OGT: variants seen among roughly 807,000 people sequenced by gnomAD.
The protein encoded by OGT is O-linked N-acetylglucosamine (GlcNAc) transferase, also known as UDP-N-acetylglucosamine--peptide N-acetylglucosaminyltransferase 110 kDa subunit.
In OGT, 3 loss-of-function variants were observed where a neutral mutation model predicts 75.8. That is an observed-to-expected ratio of 0.04 (90% confidence interval 0.02 to 0.10). OGT has a LOEUF of 0.10. OGT is among the 10% of genes least tolerant of loss of function. The pLI, the probability that OGT is intolerant of heterozygous loss-of-function variation, is 1.00. For missense variants in OGT, 260 were observed against 824.4 expected, an observed-to-expected ratio of 0.32 and a Z score of 8.38; for synonymous variants, 257 against 289.7, an observed-to-expected ratio of 0.89 and a Z score of 1.15.
At chrX:71,566,082 A>G (rs2040414651) in intron 19 of OGT, among the ~76,000 whole-genome samples, 1 of 112,279 alleles carries the variant, frequency 8.9e-6, no homozygotes, top group African/African-American at 3.2e-5. Context: ...CCTTTAGGTA[A>G]TCTGGAGATA....
Position 71,563,363 on chromosome X carries a change from G to T in OGT, c.2300G>T (p.Ser767Ile). The T allele has an allele frequency of 8.3e-7, 1 of 1,207,981 alleles. No homozygotes were observed. ...KCPDGGDNAD[S>I]SNTALNMPVI... is the part of the protein sequence containing the mutation. ...CCTGATGGAGGAGACAATGCAGATA[G>T]CAGTAACACAGCTCTTAATATGCCT... Residue 767 changes from serine to isoleucine, a missense_variant, in exon 18 of 22, where the codon AGC (serine) becomes ATC (isoleucine). Transcript: ENST00000373719.
intron 8 of OGT, 195 bp from the exon 9 acceptor site, chrX:71,556,485 A>G (rs895400231): frequency 2.6e-5 from 10 of 379,614 alleles, no homozygotes; most frequent in Non-Finnish European, 4.6e-5. Context: ...GAAGAGGTGT[A>G]CCTCATTATG....
At chrX:71,556,874 A>T in intron 9 of OGT, 78 bp from the exon 10 acceptor site, 1 of 1,095,993 alleles carries the variant, frequency 9.1e-7, no homozygotes, top group Non-Finnish European at 1.2e-6. Flanking sequence ...GGCTTTAAAT[A>T]ACAACGGAAT....
chrX:71,570,668 T>G (rs1602158173), intron 21 of OGT, among the ~76,000 whole-genome samples: 2 of 111,835 alleles, frequency 1.8e-5, no homozygotes, highest in South Asian at 7.5e-4. Context: ...GTTAGCTACT[T>G]ATTATTTTCA....
At chrX:71,552,204 G>C (rs377185122) in intron 5 of OGT, among the ~76,000 whole-genome samples, 1 of 109,727 alleles carries the variant, frequency 9.1e-6, no homozygotes, top group Non-Finnish European at 1.9e-5. Flanking sequence ...CAGCCTGGGC[G>C]ACAGAGTGAG....
intron 5 of OGT, among the ~76,000 whole-genome samples, chrX:71,551,443 C>T (rs963604357): frequency 9.0e-6 from 1 of 111,712 alleles, no homozygotes; most frequent in Non-Finnish European, 1.9e-5. Flanking sequence ...ACCAGCCTGG[C>T]CAACATGGCA....
chrX:71,537,700 C>A, intron 2 of OGT, 129 bp from the exon 3 acceptor site: 1 of 759,451 alleles, frequency 1.3e-6, no homozygotes, highest in Non-Finnish European at 1.9e-6. Context: ...TTGCTATGCA[C>A]TAGTTAAAAG....
At chrX:71,538,927 ATGAT>A (rs2147668808) in intron 3 of OGT, among the ~76,000 whole-genome samples, 1 of 112,341 alleles carries the variant, frequency 8.9e-6, no homozygotes, top group South Asian at 3.7e-4. Context: ...ACAGCTTTAA[ATGAT>A]TGGTCTTAGT....
Position 71,533,315 on chromosome X carries a change from G to A in OGT, c.16G>A (p.Gly6Ser). The stretch of plus-strand genomic sequence containing the variant: ...GAAGCTCCAGATGGCGTCTTCCGTG[G>A]GCAACGTGGCCGACAGCACAGGTAC... MASSVGNVADSTEPTK... is the reference protein window; with the variant it reads MASSVSNVADSTEPTK... Residue 6 changes from glycine to serine, a missense_variant, in exon 1 of 22, where the codon GGC (glycine) becomes AGC (serine). Physicochemically the swap from Gly to Ser is moderately conservative, Grantham distance 56. Coordinates refer to ENST00000373719, the MANE Select transcript of OGT (RefSeq NM_181672.3). 8.3e-7 allele frequency: 1 copy of A among 1,200,108 alleles called. No homozygotes were observed. Among genetic ancestry groups the A allele is most frequent in the African/African-American group, 1.7e-5 (1 of 57,417 alleles).
At chrX:71,569,918 T>G (rs1201102316) in intron 21 of OGT, among the ~76,000 whole-genome samples, 5 of 107,331 alleles carry the variant, frequency 4.7e-5, no homozygotes, top group Non-Finnish European at 9.6e-5. Context: ...GTATTTTTAG[T>G]AGAGACGGGG....
rs759531789 is a variant in OGT at position 71,573,887 on chromosome X, A to T, written c.*93A>T. ...TAACATACTTCTTACTTGTCTGTAC[A>T]GTACCTTGTTGCAGATGGGTGATAT... On this transcript the variant is annotated 3_prime_UTR_variant, in exon 22 of 22. Coordinates refer to ENST00000373719, the MANE Select transcript of OGT (RefSeq NM_181672.3). 3.6e-5 allele frequency: 24 copies of T among 662,538 alleles called. No homozygotes were observed. The East Asian group carries it at 9.2e-4, about 25-fold the overall frequency. The allele number at this position is 662,538 out of a possible 1,213,427, so 54.6% of individuals were successfully genotyped here. A position where few individuals can be genotyped will look rare whatever the true frequency, so the allele number is the denominator to read the frequency against.
At chrX:71,550,557 T>C (rs1427442960) in intron 5 of OGT, among the ~76,000 whole-genome samples, 2 of 111,450 alleles carry the variant, frequency 1.8e-5, no homozygotes, top group African/African-American at 6.5e-5. Flanking sequence ...CCTGTACCTC[T>C]TCTTTTGAGA....
chrX:71,533,271 C>A lies in OGT; in HGVS notation c.-29C>A, dbSNP rs371445158. 1.6e-4 allele frequency: 195 copies of A among 1,188,260 alleles called. No homozygotes were observed. In the African/African-American group the frequency reaches 3.0e-3, roughly 18 times the overall value. On this transcript the variant is annotated 5_prime_UTR_variant, in exon 1 of 22. Transcript: ENST00000373719. ...GTGGCGGCAGCAGGACCAATTACCTCTTTTTTGCTCTCCCTCGAGAAGCTC... is the reference window on the plus strand; with the variant it reads ...GTGGCGGCAGCAGGACCAATTACCTATTTTTTGCTCTCCCTCGAGAAGCTC...
chrX:71,570,740 T>TA (rs199632925), intron 21 of OGT, among the ~76,000 whole-genome samples: 17 of 106,291 alleles, frequency 1.6e-4, no homozygotes, highest in South Asian at 4.1e-4. Flanking sequence ...ACCCAGGCAT[T>TA]AAAAAAAAAA....
intron 21 of OGT, among the ~76,000 whole-genome samples, chrX:71,572,671 G>A (rs2040467116): frequency 9.0e-6 from 1 of 111,593 alleles, no homozygotes; most frequent in African/African-American, 3.3e-5. Context: ...GGAGGCTGGG[G>A]CAGGAGGATT....
In OGT at chrX:71,547,471, C is replaced by T. The variant is rs779727171; in HGVS notation, c.532-436C>T. The T allele has an allele frequency of 3.2e-3, 2,446 of 756,786 alleles. 4 individuals are homozygous for T. The highest frequency in any genetic ancestry group is 3.6e-3 in the Non-Finnish European group (2,314 of 641,355). The allele number at this position is 756,786 out of a possible 1,213,427, so 62.4% of individuals were successfully genotyped here. A position where few individuals can be genotyped will look rare whatever the true frequency, so the allele number is the denominator to read the frequency against. On this transcript the variant is annotated intron_variant, in intron 4 of 21. Transcript: ENST00000373719. Reference sequence around the variant, plus strand: ...TTTTTTTTTCAGCCATACCTCTTAACACCTCATAGAACACACTTTGGGAAA... The same window carrying T: ...TTTTTTTTTCAGCCATACCTCTTAATACCTCATAGAACACACTTTGGGAAA...
At chrX:71,565,120 T>C (rs1374309157) in intron 19 of OGT, among the ~76,000 whole-genome samples, 2 of 112,405 alleles carry the variant, frequency 1.8e-5, no homozygotes, top group African/African-American at 6.4e-5. Flanking sequence ...GATCGTGCCA[T>C]TGCACTCCAG....
chrX:71,552,139 C>G lies in OGT; in HGVS notation c.649-2374C>G, dbSNP rs1185477232. On this transcript the variant is annotated intron_variant, in intron 5 of 21. Transcript: ENST00000373719. The stretch of plus-strand genomic sequence containing the variant: ...TAGGAGGCTGAGGCAGGAGAATTGC[C>G]TGAACCCGGGAGGAGGAGGAGGTTG... Among the ~76,000 whole-genome samples the G allele has an allele frequency of 2.7e-5, 3 of 109,254 alleles. No homozygotes were observed. The Admixed American group carries it at 2.9e-4, about 11-fold the overall frequency. 94.9% of individuals were successfully genotyped at this position (109,254 alleles called of 115,157 possible). A position where few individuals can be genotyped will look rare whatever the true frequency, so the allele number is the denominator to read the frequency against.
intron 7 of OGT, 100 bp from the exon 8 acceptor site, chrX:71,555,854 C>G: frequency 1.0e-6 from 1 of 970,802 alleles, no homozygotes; most frequent in Non-Finnish European, 1.4e-6. Flanking sequence ...TTTTCTGTAG[C>G]ATTACCAGCC....
Sources: allele counts gnomAD v4.1 joint callset (sites outside exome capture counted in the v4.1 genomes callset), GRCh38; gene constraint gnomAD v4.1.1; transcripts MANE v1.5; gene names NCBI Gene and HGNC (gene_info 2026-07-23, HGNC 2026-07-21).